Variants in SETD5 observed in about 807,000 individuals in gnomAD.
SETD5 encodes SET domain containing 5, also known as histone-lysine N-methyltransferase SETD5.
In SETD5, 44 loss-of-function variants were observed where a neutral mutation model predicts 153.3. The ratio of observed to expected loss-of-function variants is 0.29; its 90% CI spans 0.23 to 0.37. SETD5 has a LOEUF of 0.37. Among genes scored for constraint, SETD5 ranks in the 10% least tolerant of loss-of-function variants. The pLI is 1.00. For synonymous variants in SETD5, 716 were observed against 645.2 expected (o/e 1.11, Z -1.66); for missense variants, 1,544 against 1,768.0 (o/e 0.87, Z 2.27).
In SETD5 at chr3:9,476,242, T is replaced by G; in HGVS notation, c.*151T>G. ...GGTGGACAAGAAACAAGACTTGTGGTCACAATTGGCCTCTGGCCTTGGAGA... is the reference window on the plus strand; with the variant it reads ...GGTGGACAAGAAACAAGACTTGTGGGCACAATTGGCCTCTGGCCTTGGAGA... On this transcript the variant is annotated 3_prime_UTR_variant, in exon 23 of 23. Transcript: ENST00000402198. 1.8e-6 allele frequency: 2 copies of G among 1,105,460 alleles called. No individual in the cohort carries two copies. The highest frequency in any genetic ancestry group is 2.5e-6 in the Non-Finnish European group (2 of 796,960). 68.5% of individuals were successfully genotyped at this position (1,105,460 alleles called of 1,614,324 possible).
In SETD5 at chr3:9,425,681, T is replaced by C. The variant is rs1228407819; in HGVS notation, c.-117+1155T>C. Among the ~76,000 whole-genome samples the C allele has an allele frequency of 2.0e-5, 3 of 151,730 alleles. No individual in the cohort carries two copies. In the East Asian group the frequency reaches 5.9e-4, roughly 30 times the overall value. On this transcript the variant is annotated intron_variant, in intron 2 of 22. Transcript: ENST00000402198. Reference sequence around the variant, plus strand: ...GTCTCTGCTTCCCAGATTCAAACGATTCTCGTGCCTCAGCCTCCCAAGTAG... The same window carrying C: ...GTCTCTGCTTCCCAGATTCAAACGACTCTCGTGCCTCAGCCTCCCAAGTAG...
intron 3 of SETD5, among the ~76,000 whole-genome samples, chr3:9,432,873 A>C (rs1302075618): frequency 3.3e-5 from 5 of 152,254 alleles, no homozygotes; most frequent in African/African-American, 1.2e-4. Flanking sequence ...TGGTTAATAA[A>C]GGTCTCAAAT....
At chr3:9,441,384 T>C (rs1007231969) in intron 8 of SETD5, among the ~76,000 whole-genome samples, 1 of 151,856 alleles carries the variant, frequency 6.6e-6, no homozygotes, top group Admixed American at 6.6e-5. Context: ...TTTCTTGCCG[T>C]TTCTGGGGAG....
chr3:9,431,539 A>G (rs1393036764), intron 3 of SETD5: 10 of 984,188 alleles, frequency 1.0e-5, no homozygotes, highest in African/African-American at 8.7e-5. Context: ...TGTGTATTCA[A>G]TCAGTAACCA....
chr3:9,440,580 A>C lies in SETD5; in HGVS notation c.692A>C (p.Asn231Thr), dbSNP rs2041150889. ...FTNQYSADVQ[N>T]ALEQHLHSSK... Reference sequence around the variant, plus strand: ...AATCAGTACAGTGCAGATGTACAGAACGCGCTTGAACAACACCTACATTCT... The same window carrying C: ...AATCAGTACAGTGCAGATGTACAGACCGCGCTTGAACAACACCTACATTCT... Residue 231 changes from asparagine (N) to threonine (T), a missense_variant, in exon 8 of 23, where the codon AAC (asparagine) becomes ACC (threonine). Asn to Thr is a moderately conservative substitution (Grantham distance 65). Around this residue, in one of 9 missense-constraint regions of SETD5, gnomAD observed 251 missense variants for 326.9 expected, o/e 0.77. Transcript: ENST00000402198. 3 of 1,613,880 alleles carry C rather than the reference A, an allele frequency of 1.9e-6. No homozygotes were observed. Among genetic ancestry groups the C allele is most frequent in the Non-Finnish European group, 2.5e-6 (3 of 1,179,878 alleles).
intron 1 of SETD5, among the ~76,000 whole-genome samples, chr3:9,410,507 T>G (rs1459126963): frequency 6.6e-6 from 1 of 152,212 alleles, no homozygotes. Flanking sequence ...GGATTAGGTT[T>G]TGTTTTATGA....
At chr3:9,452,213 C>A (rs1347253860) in intron 16 of SETD5, among the ~76,000 whole-genome samples, 2 of 152,102 alleles carry the variant, frequency 1.3e-5, no homozygotes, top group Non-Finnish European at 1.5e-5. Flanking sequence ...ATCTACTAGA[C>A]CCTGGAAATA....
intron 18 of SETD5, among the ~76,000 whole-genome samples, chr3:9,466,015 G>A (rs546229843): frequency 3.1e-4 from 47 of 152,226 alleles, no homozygotes; most frequent in African/African-American, 1.1e-3. Flanking sequence ...GAGGCCGGGC[G>A]CAGTGGCTCA....
Position 9,428,855 on chromosome 3 carries a change from C to A in SETD5, c.-84C>A. 2 of 876,428 alleles carry A rather than the reference C, an allele frequency of 2.3e-6. No homozygotes were observed. Among genetic ancestry groups the A allele is most frequent in the South Asian group, 1.7e-5 (1 of 60,310 alleles). 54.3% of individuals were successfully genotyped at this position (876,428 alleles called of 1,614,324 possible). On this transcript the variant is annotated 5_prime_UTR_variant, in exon 3 of 23. Transcript: ENST00000402198. ...CATGTCCATAACATGTTGGATGAGG[C>A]TCTGCAGCTCACCCCCACTCTCAGA... is the stretch of plus-strand genomic sequence containing the variant.
chr3:9,471,149 G>A (rs1283107615), intron 19 of SETD5, among the ~76,000 whole-genome samples: 4 of 152,148 alleles, frequency 2.6e-5, no homozygotes, highest in African/African-American at 9.7e-5. Context: ...TACTTGCTAG[G>A]CAATTGAGAG....
rs370213013 is a variant in SETD5 at position 9,428,929 on chromosome 3, G to A, written c.-10G>A. 37 of 1,610,696 alleles carry A rather than the reference G, an allele frequency of 2.3e-5. No homozygotes were observed. Among genetic ancestry groups the A allele is most frequent in the Non-Finnish European group, 1.5e-5 (18 of 1,177,850 alleles). On this transcript the variant is annotated 5_prime_UTR_variant, in exon 3 of 23. Coordinates refer to ENST00000402198, the MANE Select transcript of SETD5 (RefSeq NM_001080517.3). ...CCCCGTGATTTCCAATCTCTGCTGT[G>A]TTGGACGTCATGAGCATTGCAATCC...
At chr3:9,398,344 A>C (rs918379560) in intron 1 of SETD5, 1 of 150,904 alleles carries the variant, frequency 6.6e-6, no homozygotes, top group Admixed American at 6.6e-5. Flanking sequence ...CTCGAAATAC[A>C]CAGGCATACT....
At chr3:9,470,346 T>C in intron 18 of SETD5, 113 bp from the exon 19 acceptor site, 1 of 785,522 alleles carries the variant, frequency 1.3e-6, no homozygotes, top group South Asian at 1.7e-5. Flanking sequence ...TCTGCTCTAC[T>C]TCCGTCCCTC....
intron 11 of SETD5, among the ~76,000 whole-genome samples, chr3:9,444,661 C>G (rs2041718535): frequency 6.6e-6 from 1 of 151,964 alleles, no homozygotes; most frequent in Admixed American, 6.6e-5. Flanking sequence ...GAGGCTAAGG[C>G]TGGAGGATCA....
intron 1 of SETD5, among the ~76,000 whole-genome samples, chr3:9,404,918 C>G (rs1294561852): frequency 6.6e-6 from 1 of 152,238 alleles, no homozygotes; most frequent in Non-Finnish European, 1.5e-5. Flanking sequence ...TGTACCTCAT[C>G]TTGCCTGTGC....
Position 9,464,587 on chromosome 3 carries a change from A to G in SETD5, c.2639A>G (p.Glu880Gly). The change falls in exon 18 of 23, where the codon GAG (glutamate) becomes GGG (glycine). Residue 880 changes from glutamate to glycine, a missense_variant. Transcript: ENST00000402198. Reference protein sequence around the residue: ...TPGSSHPGEEECRNGYSLMFS... With the variant: ...TPGSSHPGEEGCRNGYSLMFS... ...GGCTCATCTCACCCAGGAGAAGAGGAGTGTCGAAATGGATACAGCCTCATG... is the reference window on the plus strand; with the variant it reads ...GGCTCATCTCACCCAGGAGAAGAGGGGTGTCGAAATGGATACAGCCTCATG... The G allele has an allele frequency of 6.2e-7, 1 of 1,613,932 alleles. No individual in the cohort carries two copies. Among genetic ancestry groups the G allele is most frequent in the African/African-American group, 1.3e-5 (1 of 75,032 alleles).
chr3:9,413,408 A>G (rs1311858534), intron 1 of SETD5, among the ~76,000 whole-genome samples: 1 of 152,202 alleles, frequency 6.6e-6, no homozygotes. Context: ...TCTTATAAAT[A>G]TCAGACCATA....
intron 10 of SETD5, chr3:9,442,964 C>T (rs1032560264): frequency 3.6e-5 from 7 of 192,288 alleles, no homozygotes; most frequent in African/African-American, 1.2e-4. Context: ...TGCTTGAACC[C>T]GGGAGGCAGA....
At chr3:9,456,479 T>C (rs1405406415) in intron 17 of SETD5, among the ~76,000 whole-genome samples, 1 of 124,002 alleles carries the variant, frequency 8.1e-6, no homozygotes, top group Admixed American at 7.9e-5. Flanking sequence ...TCTTTAAAAC[T>C]TAAAAAAAAA....
Sources: allele counts gnomAD v4.1 joint callset (sites outside exome capture counted in the v4.1 genomes callset), GRCh38; gene constraint gnomAD v4.1.1; regional missense constraint gnomAD v4.1.1; transcripts MANE v1.5; gene names NCBI Gene and HGNC (gene_info 2026-07-23, HGNC 2026-07-21).